The following PDE7B variants were observed in gnomAD, a reference collection of about 807,000 sequenced individuals.
PDE7B encodes phosphodiesterase 7B.
Under a neutral mutation model 56.2 loss-of-function variants are expected in PDE7B, and 29 were observed. That is an observed-to-expected ratio of 0.52 (90% CI 0.38 to 0.70). The LOEUF is 0.70. PDE7B is among the 30% of genes least tolerant of loss of function. PDE7B has a pLI of 0.00. For missense variants in PDE7B, 490 were observed against 565.0 expected, an observed-to-expected ratio of 0.87 and a Z score of 1.35; for synonymous variants, 197 against 196.9, an observed-to-expected ratio of 1.00 and a Z score of 0.00.
At chr6:135,942,512 CTCTCTTAGCAA>C (rs1774522613) in intron 1 of PDE7B, among the ~76,000 whole-genome samples, 1 of 152,102 alleles carries the variant, frequency 6.6e-6, no homozygotes, top group Non-Finnish European at 1.5e-5. Flanking sequence ...CTAAAATCTA[CTCTCTTAGCAA>C]TTTGCAAATA....
At chr6:135,931,460 CT>C (rs2128197033) in intron 1 of PDE7B, among the ~76,000 whole-genome samples, 1 of 152,248 alleles carries the variant, frequency 6.6e-6, no homozygotes, top group South Asian at 2.1e-4. Flanking sequence ...ACAAAGGGCT[CT>C]GAAAGAATGT....
Position 136,106,986 on chromosome 6 carries a change from T to C in PDE7B, c.83-1745T>C, listed in dbSNP as rs541227467. Reference sequence around the variant, plus strand: ...TAACATTTATCCATAAATTACAATATTCTTTCATATCAATATGGCAATGTA... The same window carrying C: ...TAACATTTATCCATAAATTACAATACTCTTTCATATCAATATGGCAATGTA... On this transcript the variant is annotated intron_variant, in intron 2 of 12. Coordinates refer to ENST00000308191, the MANE Select transcript of PDE7B (RefSeq NM_018945.4). Among the ~76,000 whole-genome samples the C allele has an allele frequency of 2.6e-5, 4 of 152,334 alleles. No homozygotes were observed. In the South Asian group the frequency reaches 8.3e-4, roughly 32 times the overall value.
intron 1 of PDE7B, among the ~76,000 whole-genome samples, chr6:135,882,262 C>T (rs1430562234): frequency 6.6e-6 from 1 of 152,026 alleles, no homozygotes; most frequent in Non-Finnish European, 1.5e-5. Context: ...ACAAAGACTT[C>T]GATTAAATTA....
chr6:135,929,893 G>A (rs1030307568), intron 1 of PDE7B, among the ~76,000 whole-genome samples: 5 of 152,142 alleles, frequency 3.3e-5, no homozygotes, highest in African/African-American at 9.7e-5. Flanking sequence ...GAGGTAAGGA[G>A]GAATAATGGG....
chr6:136,131,096 G>A (rs560408921), intron 3 of PDE7B, among the ~76,000 whole-genome samples: 104 of 152,228 alleles, frequency 6.8e-4, no homozygotes, highest in Admixed American at 1.2e-3. Flanking sequence ...CACAGAGCAG[G>A]TGTTCAATGG....
chr6:136,006,192 C>G (rs9689291), intron 2 of PDE7B, among the ~76,000 whole-genome samples: 10,386 of 114,096 alleles, frequency 0.091, 769 homozygotes, highest in African/African-American at 0.22. Context: ...ACATCACACT[C>G]TGGGGCCTGT....
rs569070457 is a variant in PDE7B, at chr6:136,038,385, C to G, written c.83-70346C>G. On this transcript the variant is annotated intron_variant, in intron 2 of 12. Transcript: ENST00000308191. ...CTGCCCTCCTCCCCGGGAAGCCGGCCGGGGTGCCAGCAGGGGCCGCTGCCC... is the reference window on the plus strand; with the variant it reads ...CTGCCCTCCTCCCCGGGAAGCCGGCGGGGGTGCCAGCAGGGGCCGCTGCCC... The G allele has an allele frequency of 2.3e-6, 3 of 1,291,576 alleles. No individual in the cohort carries two copies. The African/African-American group carries it at 4.5e-5, about 20-fold the overall frequency. 80.0% of individuals were successfully genotyped at this position (1,291,576 alleles called of 1,614,324 possible). A position where few individuals can be genotyped will look rare whatever the true frequency, so the allele number is the denominator to read the frequency against.
At chr6:135,995,229 T>C (rs1204826839) in intron 2 of PDE7B, among the ~76,000 whole-genome samples, 1 of 137,848 alleles carries the variant, frequency 7.3e-6, no homozygotes, top group Non-Finnish European at 1.6e-5. Context: ...TCCATACATA[T>C]GTACCACCGC....
At chr6:136,094,210 T>G (rs1355082425) in intron 2 of PDE7B, 2 of 152,242 alleles carry the variant, frequency 1.3e-5, no homozygotes, top group Non-Finnish European at 2.9e-5. Flanking sequence ...CCCTCAAGAC[T>G]TAATCACTTC....
intron 1 of PDE7B, among the ~76,000 whole-genome samples, chr6:135,912,475 C>T (rs1776229672): frequency 6.6e-6 from 1 of 152,054 alleles, no homozygotes; most frequent in East Asian, 1.9e-4. Flanking sequence ...GGGACTTGAG[C>T]ATCTGCAGAT....
At chr6:135,950,856 AT>A (rs1467648221) in intron 2 of PDE7B, among the ~76,000 whole-genome samples, 2 of 152,116 alleles carry the variant, frequency 1.3e-5, no homozygotes, top group African/African-American at 4.8e-5. Flanking sequence ...CTTATGGAAA[AT>A]TACACTTCTG....
intron 2 of PDE7B, among the ~76,000 whole-genome samples, chr6:135,948,699 A>G (rs2327666): frequency 0.31 from 46,446 of 151,758 alleles, 8,365 homozygotes; most frequent in Admixed American, 0.48. Flanking sequence ...ATAGTAATAC[A>G]TTCATTGAAA....
intron 2 of PDE7B, among the ~76,000 whole-genome samples, chr6:136,054,506 TC>T (rs1776693623): frequency 6.6e-6 from 1 of 152,208 alleles, no homozygotes; most frequent in Non-Finnish European, 1.5e-5. Flanking sequence ...CCAGCTTTGT[TC>T]TTTTGGCTTA....
At chr6:136,104,952 G>A (rs549485497) in intron 2 of PDE7B, among the ~76,000 whole-genome samples, 1 of 152,294 alleles carries the variant, frequency 6.6e-6, no homozygotes, top group East Asian at 1.9e-4. Flanking sequence ...TTGCCGATTT[G>A]TTTGGGTTTG....
At chr6:136,020,963 T>G (rs1310931988) in intron 2 of PDE7B, among the ~76,000 whole-genome samples, 1 of 152,206 alleles carries the variant, frequency 6.6e-6, no homozygotes, top group Admixed American at 6.5e-5. Context: ...CCTCTATTAC[T>G]AGTTCCTACA....
chr6:136,151,477 G>T (rs904099763), intron 6 of PDE7B, among the ~76,000 whole-genome samples: 40 of 152,180 alleles, frequency 2.6e-4, no homozygotes, highest in African/African-American at 7.0e-4. Context: ...GGGGTTAGGG[G>T]TGCTAACCCC....
intron 2 of PDE7B, among the ~76,000 whole-genome samples, chr6:135,971,720 T>C (rs1184765901): frequency 6.6e-6 from 1 of 152,192 alleles, no homozygotes; most frequent in African/African-American, 2.4e-5. Flanking sequence ...GCAAGTGTCT[T>C]AAACTCTTTG....
chr6:136,071,013 G>A (rs1160437755), intron 2 of PDE7B, among the ~76,000 whole-genome samples: 1 of 152,006 alleles, frequency 6.6e-6, no homozygotes, highest in Non-Finnish European at 1.5e-5. Context: ...CCCTGTGGTC[G>A]GCCCTTTCCC....
intron 2 of PDE7B, among the ~76,000 whole-genome samples, chr6:136,094,431 G>C (rs889517278): frequency 5.9e-5 from 9 of 152,078 alleles, no homozygotes; most frequent in African/African-American, 1.9e-4. Flanking sequence ...TTGTTGTCCT[G>C]GATTTGCTGT....
Sources: allele counts gnomAD v4.1 joint callset (sites outside exome capture counted in the v4.1 genomes callset), GRCh38; gene constraint gnomAD v4.1.1; transcripts MANE v1.5; gene names NCBI Gene and HGNC (gene_info 2026-07-23, HGNC 2026-07-21).